Variants in TRIAP1 observed in about 807,000 individuals in gnomAD.
TRIAP1 encodes TP53 regulated inhibitor of apoptosis 1, also known as TP53-regulated inhibitor of apoptosis 1.
TRIAP1 carries 8 observed loss-of-function variants against 8.4 expected under a neutral mutation model. The observed-to-expected ratio is 0.96, with a 90% confidence interval of 0.56 to 1.73. TRIAP1 has a LOEUF of 1.73. Ranked by LOEUF, TRIAP1 falls within the 40% of genes most tolerant of loss-of-function variation. The probability of loss-of-function intolerance (pLI) is 0.00; values close to 1 mark genes in which losing one functional copy is unlikely to be tolerated. For synonymous variants in TRIAP1, 35 were observed against 34.0 expected (o/e 1.03, Z -0.10); for missense variants, 90 against 96.9 (o/e 0.93, Z 0.30).
Position 120,444,680 on chromosome 12 carries a change from C to G in TRIAP1, c.*192G>C, listed in dbSNP as rs1877804242. On this transcript the variant is annotated 3_prime_UTR_variant, in exon 2 of 2. Coordinates refer to ENST00000546954, the MANE Select transcript of TRIAP1 (RefSeq NM_016399.3). ...TTTAGCACACAGTTCCTGCAAGATACCACAGCAGGTGAGAAATCATCTCAA... is the reference window on the plus strand; with the variant it reads ...TTTAGCACACAGTTCCTGCAAGATAGCACAGCAGGTGAGAAATCATCTCAA... 3 of 576,204 alleles carry G rather than the reference C, an allele frequency of 5.2e-6. No individual in the cohort carries two copies. Among genetic ancestry groups the G allele is most frequent in the Non-Finnish European group, 9.2e-6 (3 of 324,508 alleles). The allele number at this position is 576,204 out of a possible 1,614,324, so 35.7% of individuals were successfully genotyped here. A position where few individuals can be genotyped will look rare whatever the true frequency, so the allele number is the denominator to read the frequency against.
In TRIAP1 at chr12:120,446,300, C is replaced by A; in HGVS notation, c.73G>T (p.Glu25Ter). ...YDQCFNRWFA[E>*]KFLKGDSSGD... Reference sequence around the variant, plus strand: ...GAGCTGTCCCCCTTGAGAAATTTCTCGGCGAACCAGCGATTGAAGCACTGG... The same window carrying A: ...GAGCTGTCCCCCTTGAGAAATTTCTAGGCGAACCAGCGATTGAAGCACTGG... Residue 25 changes from glutamate (E) to a stop codon, truncating the protein, a stop_gained, in exon 1 of 2, where the codon GAG becomes TAG. Transcript: ENST00000546954. LOFTEE classifies it high-confidence loss of function. The A allele has an allele frequency of 1.2e-6, 2 of 1,614,212 alleles. No homozygotes were observed. Among genetic ancestry groups the A allele is most frequent in the Non-Finnish European group, 1.7e-6 (2 of 1,180,038 alleles).
intron 1 of TRIAP1, 55 bp from the exon 2 acceptor site, chr12:120,445,010 C>G: frequency 1.6e-6 from 2 of 1,288,090 alleles, no homozygotes; most frequent in Non-Finnish European, 2.2e-6. Flanking sequence ...AAGTTGCAAG[C>G]TTTGTAAATA....
In TRIAP1 at chr12:120,446,318, A is replaced by G. The variant is rs1565911574; in HGVS notation, c.55T>C (p.Phe19Leu). ...TDMKREYDQC[F>L]NRWFAEKFLK... ...AATTTCTCGGCGAACCAGCGATTGA[A>G]GCACTGGTCGTACTCGCGCTTCATG... Residue 19 changes from phenylalanine (F) to leucine (L), a missense_variant, in exon 1 of 2, where the codon TTC becomes CTC. Transcript: ENST00000546954. 1 of 1,614,110 alleles carries G rather than the reference A, an allele frequency of 6.2e-7. No individual in the cohort carries two copies. Among genetic ancestry groups the G allele is most frequent in the Admixed American group, 1.7e-5 (1 of 60,006 alleles).
rs1877792933 is a variant in TRIAP1 at position 120,444,157 on chromosome 12, TAGC to T, written c.*712_*714del. On this transcript the variant is annotated 3_prime_UTR_variant, in exon 2 of 2. Transcript: ENST00000546954. ...ACTGACTTGGGTTGAGAGCTGGCAA[TAGC>T]AGATCTTTGCAATTTAGGTTCTTCC... The T allele has an allele frequency of 6.6e-6, 1 of 152,228 alleles. No individual in the cohort carries two copies. Among genetic ancestry groups the T allele is most frequent in the Non-Finnish European group, 1.5e-5 (1 of 68,062 alleles). The allele number at this position is 152,228 out of a possible 1,614,324, so 9.4% of individuals were successfully genotyped here. A position where few individuals can be genotyped will look rare whatever the true frequency, so the allele number is the denominator to read the frequency against.
At chr12:120,445,952 GTAAC>G in intron 1 of TRIAP1, 1 of 436,122 alleles carries the variant, frequency 2.3e-6, no homozygotes, top group Admixed American at 4.0e-5. Flanking sequence ...TAAAATATGA[GTAAC>G]TATGCCCACC....
Position 120,446,107 on chromosome 12 carries a change from C to T in TRIAP1, c.147+119G>A, listed in dbSNP as rs554092466. ...TAGGGGAGCGAGCTCCTGCCACTGG[C>T]CTCACTGCGACTTTTCTCCACCCTT... On this transcript the variant is annotated intron_variant, in intron 1 of 1. Coordinates refer to ENST00000546954, the MANE Select transcript of TRIAP1 (RefSeq NM_016399.3). 10 of 1,417,288 alleles carry T rather than the reference C, an allele frequency of 7.1e-6. No individual in the cohort carries two copies. In the African/African-American group the frequency reaches 1.4e-4, roughly 20 times the overall value. 87.8% of individuals were successfully genotyped at this position (1,417,288 alleles called of 1,614,324 possible). A position where few individuals can be genotyped will look rare whatever the true frequency, so the allele number is the denominator to read the frequency against.
chr12:120,444,581 CATACAAGGTATATTTAT>C lies in TRIAP1; in HGVS notation c.*274_*290del, dbSNP rs1877801921. The C allele has an allele frequency of 1.1e-5, 4 of 367,282 alleles. No individual in the cohort carries two copies. The Admixed American group carries it at 1.3e-4, about 12-fold the overall frequency. 22.8% of individuals were successfully genotyped at this position (367,282 alleles called of 1,614,324 possible). On this transcript the variant is annotated 3_prime_UTR_variant, in exon 2 of 2. Coordinates refer to ENST00000546954, the MANE Select transcript of TRIAP1 (RefSeq NM_016399.3). ...ATCCTGACTAGTTTATCATCGTTTG[CATACAAGGTATATTTAT>C]GTAAAGCTGATTCCACGCCAAGTAT...
intron 1 of TRIAP1, among the ~76,000 whole-genome samples, chr12:120,445,786 A>G (rs1351200291): frequency 6.6e-6 from 1 of 152,174 alleles, no homozygotes; most frequent in Non-Finnish European, 1.5e-5. Context: ...ACAACAAAAA[A>G]ATGTGACCCT....
chr12:120,444,920 TC>T lies in TRIAP1; in HGVS notation c.182del (p.Gly61AspfsTer31). 2 of 1,613,902 alleles carry T rather than the reference TC, an allele frequency of 1.2e-6. No homozygotes were observed. Among genetic ancestry groups the T allele is most frequent in the Non-Finnish European group, 1.7e-6 (2 of 1,179,898 alleles). On this transcript the variant is annotated frameshift_variant, in exon 2 of 2. Coordinates refer to ENST00000546954, the MANE Select transcript of TRIAP1 (RefSeq NM_016399.3). LOFTEE classifies it high-confidence loss of function. The part of the protein sequence containing the change: ...AIKEKEIPIE[G>X]LEFMGHGKEK... ...CTTTGCCATGGCCCATGAACTCCAGTCCTTCAATAGGAATCTCTTTCTCCTT... is the reference window on the plus strand; with the variant it reads ...CTTTGCCATGGCCCATGAACTCCAGTCTTCAATAGGAATCTCTTTCTCCTT...
At chr12:120,446,034 C>G in intron 1 of TRIAP1, 192 bp downstream of exon 1, 1 of 706,232 alleles carries the variant, frequency 1.4e-6, no homozygotes, top group Non-Finnish European at 2.3e-6. Context: ...AGCACTGCCC[C>G]AATATTTGTC....
In TRIAP1 at chr12:120,444,776, C is replaced by T; in HGVS notation, c.*96G>A. ...TAAAACTCCTCTCTCCTAAGTTCCT[C>T]ATCAAATCTGATGGCTATGTTCACA... On this transcript the variant is annotated 3_prime_UTR_variant, in exon 2 of 2. Coordinates refer to ENST00000546954, the MANE Select transcript of TRIAP1 (RefSeq NM_016399.3). The T allele has an allele frequency of 1.1e-6, 1 of 913,184 alleles. No homozygotes were observed. The highest frequency in any genetic ancestry group is 1.8e-6 in the Non-Finnish European group (1 of 559,662). 56.6% of individuals were successfully genotyped at this position (913,184 alleles called of 1,614,324 possible).
At chr12:120,446,029 T>C (rs1240975319) in intron 1 of TRIAP1, 197 bp downstream of exon 1, 14 of 683,452 alleles carry the variant, frequency 2.0e-5, no homozygotes, top group African/African-American at 2.0e-4. Flanking sequence ...TGAAAAGCAC[T>C]GCCCCAATAT....
chr12:120,444,668 T>A lies in TRIAP1; in HGVS notation c.*204A>T, dbSNP rs573342855. 1.1e-4 allele frequency: 62 copies of A among 545,080 alleles called. No individual in the cohort carries two copies. Among genetic ancestry groups the A allele is most frequent in the African/African-American group, 1.0e-3 (53 of 52,094 alleles). 33.8% of individuals were successfully genotyped at this position (545,080 alleles called of 1,614,324 possible). Reference sequence around the variant, plus strand: ...AAATTGTTCAATTTTAGCACACAGTTCCTGCAAGATACCACAGCAGGTGAG... The same window carrying A: ...AAATTGTTCAATTTTAGCACACAGTACCTGCAAGATACCACAGCAGGTGAG... On this transcript the variant is annotated 3_prime_UTR_variant, in exon 2 of 2. Transcript: ENST00000546954.
In TRIAP1 at chr12:120,444,751, T is replaced by TA; in HGVS notation, c.*120dup. 1 of 763,324 alleles carries TA rather than the reference T, an allele frequency of 1.3e-6. No homozygotes were observed. The highest frequency in any genetic ancestry group is 1.6e-5 in the South Asian group (1 of 63,650). The allele number at this position is 763,324 out of a possible 1,614,324, so 47.3% of individuals were successfully genotyped here. A position where few individuals can be genotyped will look rare whatever the true frequency, so the allele number is the denominator to read the frequency against. Reference sequence around the variant, plus strand: ...GAGAGGAAAACATCGAAGGAGGAAATAAAACTCCTCTCTCCTAAGTTCCTC... The same window carrying TA: ...GAGAGGAAAACATCGAAGGAGGAAATAAAAACTCCTCTCTCCTAAGTTCCTC... On this transcript the variant is annotated 3_prime_UTR_variant, in exon 2 of 2. Transcript: ENST00000546954.
chr12:120,444,225 A>G lies in TRIAP1; in HGVS notation c.*647T>C, dbSNP rs1312059744. The G allele has an allele frequency of 6.6e-6, 1 of 152,246 alleles. No individual in the cohort carries two copies. The highest frequency in any genetic ancestry group is 6.6e-5 in the Admixed American group (1 of 15,258). The allele number at this position is 152,246 out of a possible 1,614,324, so 9.4% of individuals were successfully genotyped here. ...AAGTATCTTAATTCCTGAACTGCAC[A>G]CTGAGAGCTCTGAAATGGTGTTCAC... On this transcript the variant is annotated 3_prime_UTR_variant, in exon 2 of 2. Coordinates refer to ENST00000546954, the MANE Select transcript of TRIAP1 (RefSeq NM_016399.3).
rs1000838329 is a variant in TRIAP1, at chr12:120,446,384, T to G, written c.-12A>C. ...CCCACACTGTTCATGGCGACAGTGG[T>G]GGCGGCGGCGACGACGGCGCACTCT... On this transcript the variant is annotated 5_prime_UTR_variant, in exon 1 of 2. Coordinates refer to ENST00000546954, the MANE Select transcript of TRIAP1 (RefSeq NM_016399.3). 6.2e-7 allele frequency: 1 copy of G among 1,612,486 alleles called. No individual in the cohort carries two copies. The highest frequency in any genetic ancestry group is 8.5e-7 in the Non-Finnish European group (1 of 1,178,640).
At position 120,444,248 on chromosome 12, in the gene TRIAP1, C is replaced by T. The variant is rs1207658686; in HGVS notation, c.*624G>A. On this transcript the variant is annotated 3_prime_UTR_variant, in exon 2 of 2. Transcript: ENST00000546954. ...ACACTGAGAGCTCTGAAATGGTGTT[C>T]ACTGCAACATTCTTGCAGCTTTCAC... 3 of 152,342 alleles carry T rather than the reference C, an allele frequency of 2.0e-5. No individual in the cohort carries two copies. Among genetic ancestry groups the T allele is most frequent in the African/African-American group, 4.8e-5 (2 of 41,444 alleles). 9.4% of individuals were successfully genotyped at this position (152,342 alleles called of 1,614,324 possible).
intron 1 of TRIAP1, among the ~76,000 whole-genome samples, chr12:120,445,799 A>C (rs1877835783): frequency 6.6e-6 from 1 of 152,244 alleles, no homozygotes; most frequent in Non-Finnish European, 1.5e-5. Context: ...GTGACCCTCC[A>C]GTCTGAATTC....
chr12:120,445,879 A>C lies in TRIAP1; in HGVS notation c.147+347T>G, dbSNP rs149038744. ...TGCACCACCTGCGAAAGAACCAAGG[A>C]AACCTGATGCTAGTGAACTCGGATT... On this transcript the variant is annotated intron_variant, in intron 1 of 1. Transcript: ENST00000546954. The C allele has an allele frequency of 1.5e-3, 384 of 251,676 alleles. 1 individual carries two copies. Among genetic ancestry groups the C allele is most frequent in the African/African-American group, 8.2e-3 (363 of 44,424 alleles). 15.6% of individuals were successfully genotyped at this position (251,676 alleles called of 1,614,324 possible).
Sources: allele counts gnomAD v4.1 joint callset (sites outside exome capture counted in the v4.1 genomes callset), GRCh38; gene constraint gnomAD v4.1.1; transcripts MANE v1.5; gene names NCBI Gene and HGNC (gene_info 2026-07-23, HGNC 2026-07-21).